The following GFOD1 variants were observed in gnomAD, a reference collection of about 807,000 sequenced individuals.
The protein encoded by GFOD1 is glucose-fructose oxidoreductase domain-containing protein 1.
A neutral mutation model predicts 25.4 loss-of-function variants in GFOD1; 9 were observed. The observed-to-expected ratio is 0.35, with a 90% CI of 0.21 to 0.62. The LOEUF is 0.62. GFOD1 is among the 20% of genes least tolerant of loss of function. GFOD1 has a pLI of 0.72. For synonymous variants in GFOD1, 253 were observed against 245.6 expected (o/e 1.03, Z -0.28); for missense variants, 403 against 556.9 (o/e 0.72, Z 2.78).
chr6:13,390,099 C>A (rs925771665), intron 1 of GFOD1, among the ~76,000 whole-genome samples: 2 of 152,164 alleles, frequency 1.3e-5, no homozygotes, highest in Non-Finnish European at 2.9e-5. Flanking sequence ...GGACCCCAAG[C>A]CTTGTGTATC....
chr6:13,379,815 T>G (rs1051799968), intron 1 of GFOD1, among the ~76,000 whole-genome samples: 2 of 152,200 alleles, frequency 1.3e-5, no homozygotes, highest in African/African-American at 4.8e-5. Context: ...TGGAGGAAGC[T>G]CTGAGTGCCT....
At chr6:13,481,865 C>G (rs1482297138) in intron 1 of GFOD1, among the ~76,000 whole-genome samples, 1 of 152,150 alleles carries the variant, frequency 6.6e-6, no homozygotes, top group Non-Finnish European at 1.5e-5. Context: ...ATATCTATCC[C>G]ACAAACAAGC....
Position 13,449,758 on chromosome 6 carries a change from G to T in GFOD1, c.253+36880C>A, listed in dbSNP as rs185974854. ...CACCATGTAAGATGTGCCTTTTGCC[G>T]TCCACCATGACTGTGAGGCCTCCCC... On this transcript the variant is annotated intron_variant, in intron 1 of 1. Coordinates refer to ENST00000379287, the MANE Select transcript of GFOD1 (RefSeq NM_018988.4). Among the ~76,000 whole-genome samples the T allele has an allele frequency of 8.5e-5, 13 of 152,120 alleles. 1 individual carries two copies. The South Asian group carries it at 2.1e-3, about 24-fold the overall frequency.
chr6:13,479,873 G>A (rs1040938113), intron 1 of GFOD1, among the ~76,000 whole-genome samples: 7 of 152,158 alleles, frequency 4.6e-5, no homozygotes, highest in African/African-American at 7.2e-5. Context: ...AGAGAAAAAC[G>A]CAATCACCTT....
chr6:13,364,085 A>T lies in GFOD1; in HGVS notation c.*658T>A, dbSNP rs1784992482. 6.6e-6 allele frequency: 1 copy of T among 152,160 alleles called. No individual in the cohort carries two copies. 9.4% of individuals were successfully genotyped at this position (152,160 alleles called of 1,614,324 possible). On this transcript the variant is annotated 3_prime_UTR_variant, in exon 2 of 2. Coordinates refer to ENST00000379287, the MANE Select transcript of GFOD1 (RefSeq NM_018988.4). The surrounding 1 kb of genome is among the most constrained non-coding windows in gnomAD (Gnocchi z 4.1). ...CTGACCTCTCTTTCTCTACCAGGTG[A>T]AGGGCAATGAACCAAGTACAAAGAC... is the stretch of plus-strand genomic sequence containing the variant.
At chr6:13,443,070 A>C (rs894133409) in intron 1 of GFOD1, among the ~76,000 whole-genome samples, 1 of 152,230 alleles carries the variant, frequency 6.6e-6, no homozygotes, top group African/African-American at 2.4e-5. Flanking sequence ...CATTGACAGG[A>C]GTTCAGAAGA....
chr6:13,440,850 T>A (rs1417248175), intron 1 of GFOD1, among the ~76,000 whole-genome samples: 1 of 152,214 alleles, frequency 6.6e-6, no homozygotes, highest in Non-Finnish European at 1.5e-5. Context: ...TTGCCAAAAT[T>A]TCCCTGGTGT....
In GFOD1 at chr6:13,380,195, G is replaced by A. The variant is rs547716223; in HGVS notation, c.254-14533C>T. Among the ~76,000 whole-genome samples, 49 of 152,328 alleles carry A rather than the reference G, an allele frequency of 3.2e-4. 2 individuals carry two copies. In the South Asian group the frequency reaches 8.7e-3, roughly 27 times the overall value. On this transcript the variant is annotated intron_variant, in intron 1 of 1. Transcript: ENST00000379287. The stretch of plus-strand genomic sequence containing the variant: ...GGAAAGATACAGACTCAAAAGCTAC[G>A]TGGGTTCTAGATCTGGCTTTGCCAC...
At chr6:13,386,957 T>C (rs1461444690) in intron 1 of GFOD1, among the ~76,000 whole-genome samples, 1 of 152,134 alleles carries the variant, frequency 6.6e-6, no homozygotes, top group East Asian at 1.9e-4. Context: ...AATTCTGCAT[T>C]CCATCCTCAT....
chr6:13,412,872 C>T (rs556098448), intron 1 of GFOD1, among the ~76,000 whole-genome samples: 12 of 152,330 alleles, frequency 7.9e-5, no homozygotes, highest in East Asian at 1.9e-4. Context: ...ATCAAATGCT[C>T]ATCTGAGAAG....
intron 1 of GFOD1, among the ~76,000 whole-genome samples, chr6:13,432,041 G>A (rs1403182067): frequency 6.6e-6 from 1 of 152,058 alleles, no homozygotes; most frequent in African/African-American, 2.4e-5. Flanking sequence ...TCATTCCCCG[G>A]TGACTCAGCC....
chr6:13,416,996 A>G (rs1440039679), intron 1 of GFOD1, among the ~76,000 whole-genome samples: 2 of 152,234 alleles, frequency 1.3e-5, no homozygotes, highest in Non-Finnish European at 2.9e-5. Flanking sequence ...CTATCCCATC[A>G]TCATCATTCT....
At chr6:13,423,859 G>GTT (rs11371080) in intron 1 of GFOD1, among the ~76,000 whole-genome samples, 36 of 151,856 alleles carry the variant, frequency 2.4e-4, no homozygotes, top group African/African-American at 8.0e-4. Flanking sequence ...CTTTTTGTTT[G>GTT]TTTTTTTTGT....
chr6:13,402,458 C>A (rs1381758913), intron 1 of GFOD1, among the ~76,000 whole-genome samples: 2 of 152,054 alleles, frequency 1.3e-5, no homozygotes, highest in African/African-American at 4.8e-5. Flanking sequence ...GTATCTATAA[C>A]ATGTAAATAA....
chr6:13,475,456 T>C (rs1365722604), intron 1 of GFOD1, among the ~76,000 whole-genome samples: 2 of 150,596 alleles, frequency 1.3e-5, no homozygotes, highest in African/African-American at 4.9e-5. Flanking sequence ...ACGCCTGTAA[T>C]CCCAGCACTT....
chr6:13,393,252 A>G (rs993067492), intron 1 of GFOD1, among the ~76,000 whole-genome samples: 3 of 150,464 alleles, frequency 2.0e-5, no homozygotes, highest in Non-Finnish European at 4.4e-5. Context: ...GCTACTCAGG[A>G]GGCTGAGGGA....
intron 1 of GFOD1, among the ~76,000 whole-genome samples, chr6:13,433,091 G>A (rs928973708): frequency 6.6e-6 from 1 of 151,150 alleles, no homozygotes. Context: ...CTCAATGGCA[G>A]CATGACTGAC....
intron 1 of GFOD1, among the ~76,000 whole-genome samples, chr6:13,400,010 T>G (rs1169010426): frequency 6.6e-6 from 1 of 152,076 alleles, no homozygotes; most frequent in Admixed American, 6.5e-5. Context: ...CTCCACGTGG[T>G]CACACAGTTA....
intron 1 of GFOD1, among the ~76,000 whole-genome samples, chr6:13,451,547 C>T (rs903557671): frequency 2.6e-5 from 4 of 152,172 alleles, no homozygotes; most frequent in Admixed American, 2.0e-4. Context: ...CTCCGAGTAG[C>T]TGTCAAGCAG....
Sources: allele counts gnomAD v4.1 joint callset (sites outside exome capture counted in the v4.1 genomes callset), GRCh38; gene constraint gnomAD v4.1.1; non-coding constraint Gnocchi (gnomAD v3.1); transcripts MANE v1.5; gene names NCBI Gene and HGNC (gene_info 2026-07-23, HGNC 2026-07-21).